DDX50: variants seen among roughly 807,000 people sequenced by gnomAD.
DDX50 encodes the protein ATP-dependent RNA helicase DDX50.
A neutral mutation model predicts 94.8 loss-of-function variants in DDX50; 56 were observed. That is an observed-to-expected ratio of 0.59 (90% CI 0.48 to 0.74). The LOEUF is 0.74. DDX50 is among the 30% of genes least tolerant of loss of function. The probability of loss-of-function intolerance (pLI) is 0.00; values close to 1 mark genes in which losing one functional copy is unlikely to be tolerated. For synonymous variants in DDX50, 264 were observed against 295.4 expected (o/e 0.89, Z 1.09); for missense variants, 713 against 881.2 (o/e 0.81, Z 2.42).
chr10:68,911,525 CCTTTT>C, intron 4 of DDX50: 1 of 240,290 alleles, frequency 4.2e-6, no homozygotes, highest in Non-Finnish European at 7.9e-6. Context: ...TTTAGTTGAC[CCTTTT>C]CTTCTCTTTT....
At chr10:68,922,436 GTTATT>G (rs1289158592) in intron 8 of DDX50, among the ~76,000 whole-genome samples, 1 of 151,948 alleles carries the variant, frequency 6.6e-6, no homozygotes, top group East Asian at 1.9e-4. Context: ...TCTTTCTTGA[GTTATT>G]TTATCTCATT....
rs780877784 is a variant in DDX50 at position 68,934,897 on chromosome 10, A to G, written c.1500A>G (p.Leu500=). Reference sequence around the variant, plus strand: ...ATCAACCAAGAGAAAGAGGTCAACTAAGATATGTGGAACAAAAAGCAGTAA... The same window carrying G: ...ATCAACCAAGAGAAAGAGGTCAACTGAGATATGTGGAACAAAAAGCAGTAA... ...CFYQPRERGQ[L]RYVEQKAGIT... Residue 500 remains leucine, a synonymous_variant, in exon 10 of 15, where the codon CTA becomes CTG. Coordinates refer to ENST00000373585, the MANE Select transcript of DDX50 (RefSeq NM_024045.2). This position sits in a 1 kb window ranked among gnomAD's most constrained non-coding sequence, Gnocchi z 4.0. The G allele has an allele frequency of 3.7e-6, 6 of 1,612,840 alleles. No individual in the cohort carries two copies. Among genetic ancestry groups the G allele is most frequent in the Non-Finnish European group, 4.2e-6 (5 of 1,179,392 alleles).
rs940741291 is a variant in DDX50 at position 68,934,604 on chromosome 10, A to T, written c.1402-195A>T. ...AATTACAAAAAGTTGCCATAAAGAA[A>T]CCTGGGATGAGGTGGATTAAAAGGT... is the stretch of plus-strand genomic sequence containing the variant. On this transcript the variant is annotated intron_variant, in intron 9 of 14. Transcript: ENST00000373585. This position sits in a 1 kb window ranked among gnomAD's most constrained non-coding sequence, Gnocchi z 4.0. Among the ~76,000 whole-genome samples the T allele has an allele frequency of 6.6e-6, 1 of 152,122 alleles. No homozygotes were observed. Among genetic ancestry groups the T allele is most frequent in the Non-Finnish European group, 1.5e-5 (1 of 68,030 alleles).
At chr10:68,923,720 A>C (rs925014421) in intron 8 of DDX50, among the ~76,000 whole-genome samples, 1 of 150,614 alleles carries the variant, frequency 6.6e-6, no homozygotes, top group African/African-American at 2.4e-5. Context: ...ATTTTTGTAT[A>C]TTTAGTAGAG....
chr10:68,913,538 A>C lies in DDX50; in HGVS notation c.905A>C (p.Glu302Ala). ...CAGATGTTAGATTTAGGTTTCGCTG[A>C]ACAAGTTGAAGATATTATTCATGAA... ...VDQMLDLGFA[E>A]QVEDIIHESY... The change falls in exon 6 of 15, where the codon GAA becomes GCA. Residue 302 changes from glutamate to alanine, a missense_variant. Around this residue, in one of 2 missense-constraint regions of DDX50, gnomAD observed 428 missense variants for 602.3 expected, o/e 0.71. Transcript: ENST00000373585. 1 of 1,613,866 alleles carries C rather than the reference A, an allele frequency of 6.2e-7. No homozygotes were observed. Among genetic ancestry groups the C allele is most frequent in the Non-Finnish European group, 8.5e-7 (1 of 1,179,952 alleles).
At chr10:68,907,492 T>C (rs1841494633) in intron 2 of DDX50, among the ~76,000 whole-genome samples, 1 of 151,832 alleles carries the variant, frequency 6.6e-6, no homozygotes, top group African/African-American at 2.4e-5. Context: ...ATTTTTGTAT[T>C]TTTAGTAGAG....
At chr10:68,916,344 A>G (rs2132032854) in intron 7 of DDX50, among the ~76,000 whole-genome samples, 1 of 101,258 alleles carries the variant, frequency 9.9e-6, no homozygotes, top group East Asian at 2.7e-4. Flanking sequence ...ACAGATTGAG[A>G]CTCTGTCTCA....
intron 11 of DDX50, among the ~76,000 whole-genome samples, chr10:68,936,710 G>A (rs939720557): frequency 2.3e-4 from 34 of 150,534 alleles, no homozygotes; most frequent in Non-Finnish European, 1.0e-4. Context: ...GTGGTGGCGC[G>A]TGCACCTGTA....
chr10:68,945,116 T>G (rs1268837338), intron 14 of DDX50, among the ~76,000 whole-genome samples: 1 of 152,182 alleles, frequency 6.6e-6, no homozygotes, highest in East Asian at 1.9e-4. Context: ...AGCGAATTCT[T>G]TATGCATTGC....
intron 13 of DDX50, among the ~76,000 whole-genome samples, chr10:68,941,606 A>G (rs1244680956): frequency 6.6e-6 from 1 of 152,002 alleles, no homozygotes; most frequent in Non-Finnish European, 1.5e-5. Context: ...TATAGGTGTG[A>G]GCCACTGCAC....
chr10:68,913,454 T>G lies in DDX50; in HGVS notation c.821T>G (p.Leu274Arg). Residue 274 changes from leucine to arginine, a missense_variant, in exon 6 of 15, where the codon CTG (leucine) becomes CGG (arginine). Coordinates refer to ENST00000373585, the MANE Select transcript of DDX50 (RefSeq NM_024045.2). ...VGTPGRIKDH[L>R]QSGRLDLSKL... ...ACACCTGGTCGTATCAAAGACCATC[T>G]GCAGAGTGGCCGATTGGATCTTTCT... The G allele has an allele frequency of 6.2e-7, 1 of 1,614,212 alleles. No individual in the cohort carries two copies. Among genetic ancestry groups the G allele is most frequent in the Non-Finnish European group, 8.5e-7 (1 of 1,180,028 alleles).
In DDX50 at chr10:68,901,402, C is replaced by T. The variant is rs1841281291; in HGVS notation, c.18C>T (p.Leu6=). 3 of 1,565,416 alleles carry T rather than the reference C, an allele frequency of 1.9e-6. No homozygotes were observed. The highest frequency in any genetic ancestry group is 1.2e-5 in the South Asian group (1 of 84,758). The change falls in exon 1 of 15, where the codon CTC becomes CTT. Residue 6 remains leucine (L), a synonymous_variant. Coordinates refer to ENST00000373585, the MANE Select transcript of DDX50 (RefSeq NM_024045.2). MPGKL[L]WGDIMELEAP... Reference sequence around the variant, plus strand: ...GGCCAGTAATGCCTGGGAAACTCCTCTGGGGGGACATTATGGAGCTGGAAG... The same window carrying T: ...GGCCAGTAATGCCTGGGAAACTCCTTTGGGGGGACATTATGGAGCTGGAAG...
chr10:68,936,947 C>CT lies in DDX50; in HGVS notation c.1607_1608insT (p.Val537ArgfsTer7), dbSNP rs1381277047. On this transcript the variant is annotated frameshift_variant, in exon 12 of 15. Transcript: ENST00000373585. LOFTEE classifies it high-confidence loss of function. ...TTTTTAAACCATAGGTCTCTGGCTT[C>CT]CGTTTCTTACGCTGCTGTTGATTTT... is the stretch of plus-strand genomic sequence containing the variant. 1 of 1,606,980 alleles carries CT rather than the reference C, an allele frequency of 6.2e-7. No homozygotes were observed. The highest frequency in any genetic ancestry group is 8.5e-7 in the Non-Finnish European group (1 of 1,176,446).
intron 8 of DDX50, among the ~76,000 whole-genome samples, chr10:68,922,981 G>C (rs184229581): frequency 6.7e-6 from 1 of 149,958 alleles, no homozygotes; most frequent in Non-Finnish European, 1.5e-5. Context: ...TAGCAGAGAC[G>C]GGTTTCACCA....
rs1841279877 is a variant in DDX50 at position 68,901,370 on chromosome 10, C to T, written c.-15C>T. On this transcript the variant is annotated 5_prime_UTR_variant, in exon 1 of 15. Coordinates refer to ENST00000373585, the MANE Select transcript of DDX50 (RefSeq NM_024045.2). Reference sequence around the variant, plus strand: ...TGTGGCCACTGTGCCCGGAGGGAGGCGGCGGTGGCCAGTAATGCCTGGGAA... The same window carrying T: ...TGTGGCCACTGTGCCCGGAGGGAGGTGGCGGTGGCCAGTAATGCCTGGGAA... 16 of 1,528,124 alleles carry T rather than the reference C, an allele frequency of 1.0e-5. No individual in the cohort carries two copies. Among genetic ancestry groups the T allele is most frequent in the Non-Finnish European group, 1.4e-5 (16 of 1,135,424 alleles). 94.7% of individuals were successfully genotyped at this position (1,528,124 alleles called of 1,614,324 possible).
chr10:68,906,804 G>A lies in DDX50; in HGVS notation c.181G>A (p.Ala61Thr), dbSNP rs1222635463. 3 of 1,613,456 alleles carry A rather than the reference G, an allele frequency of 1.9e-6. No homozygotes were observed. The highest frequency in any genetic ancestry group is 1.3e-5 in the African/African-American group (1 of 74,832). The change falls in exon 2 of 15, where the codon GCC becomes ACC. Residue 61 changes from alanine (A) to threonine (T), a missense_variant. Transcript: ENST00000373585. Reference sequence around the variant, plus strand: ...TACAGATGACCTGGATGCTCCCAAGGCCAAAAAATCTAAAATGAAAGAGAA... The same window carrying A: ...TACAGATGACCTGGATGCTCCCAAGACCAAAAAATCTAAAATGAAAGAGAA... ...GVTDDLDAPK[A>T]KKSKMKEKLN...
intron 8 of DDX50, among the ~76,000 whole-genome samples, chr10:68,923,627 T>C (rs1842000390): frequency 6.6e-6 from 1 of 151,496 alleles, no homozygotes; most frequent in Non-Finnish European, 1.5e-5. Flanking sequence ...ACTGCAACCC[T>C]CCGCCTCTTA....
At position 68,913,585 on chromosome 10, in the gene DDX50, T is replaced by TAATTCA; in HGVS notation, c.943+12_943+17dup. The TAATTCA allele has an allele frequency of 6.3e-7, 1 of 1,594,448 alleles. No individual in the cohort carries two copies. Among genetic ancestry groups the TAATTCA allele is most frequent in the Non-Finnish European group, 8.5e-7 (1 of 1,171,018 alleles). On this transcript the variant is annotated intron_variant, in intron 6 of 14. Transcript: ENST00000373585. ...TGAATCCTACAAAACTGGTATATCC[T>TAATTCA]AATTCAAAATAAGCACATTAGCAAT... is the stretch of plus-strand genomic sequence containing the variant.
At chr10:68,938,683 G>C (rs1434546655) in intron 12 of DDX50, among the ~76,000 whole-genome samples, 1 of 152,160 alleles carries the variant, frequency 6.6e-6, no homozygotes, top group Non-Finnish European at 1.5e-5. Flanking sequence ...TTTCTACCTG[G>C]TAGGTGTTAA....
Sources: allele counts gnomAD v4.1 joint callset (sites outside exome capture counted in the v4.1 genomes callset), GRCh38; gene constraint gnomAD v4.1.1; regional missense constraint gnomAD v4.1.1; non-coding constraint Gnocchi (gnomAD v3.1); transcripts MANE v1.5; gene names NCBI Gene and HGNC (gene_info 2026-07-23, HGNC 2026-07-21).